The following KCNT1 variants were observed in gnomAD, a reference collection of about 807,000 sequenced individuals.
KCNT1 encodes potassium sodium-activated channel subfamily T member 1.
A neutral mutation model predicts 147.8 loss-of-function variants in KCNT1; 78 were observed. The ratio of observed to expected loss-of-function variants is 0.53; its 90% confidence interval spans 0.44 to 0.64. The LOEUF (loss-of-function observed/expected upper bound fraction) is 0.64, where lower values mean the gene tolerates loss of function less well. Among genes scored for constraint, KCNT1 ranks in the 30% least tolerant of loss-of-function variants. KCNT1 has a pLI of 0.00. For missense variants in KCNT1, 1,419 were observed against 1,750.3 expected, an observed-to-expected ratio of 0.81 and a Z score of 3.38; for synonymous variants, 867 against 748.8, an observed-to-expected ratio of 1.16 and a Z score of -2.58.
At chr9:135,737,201 C>T (rs1250234476) in intron 2 of KCNT1, among the ~76,000 whole-genome samples, 1 of 152,220 alleles carries the variant, frequency 6.6e-6, no homozygotes, top group Admixed American at 6.5e-5. Flanking sequence ...CACAGCAGGT[C>T]AGGGCTGGGA....
Position 135,768,821 on chromosome 9 carries a change from C to T in KCNT1, c.1402-8C>T, listed in dbSNP as rs1303785635. 3.1e-6 allele frequency: 5 copies of T among 1,607,516 alleles called. No homozygotes were observed. Among genetic ancestry groups the T allele is most frequent in the Non-Finnish European group, 3.4e-6 (4 of 1,176,842 alleles). ...CCGTCTGCACTGACCAACCACCCAC[C>T]CCGCCAGGACCACCAGACCATCCTG... On this transcript the variant is annotated splice_polypyrimidine_tract_variant and splice_region_variant and intron_variant, in intron 14 of 30. Transcript: ENST00000371757.
rs1477529193 is a variant in KCNT1, at chr9:135,759,827, A to T, written c.1003A>T (p.Ile335Phe). The change falls in exon 11 of 31, where the codon ATC becomes TTC. Residue 335 changes from isoleucine (I) to phenylalanine (F), a missense_variant. Ile to Phe is a conservative substitution (Grantham distance 21, BLOSUM62 0). Transcript: ENST00000371757. ...ATCGCAGCTGCTGGTGGTCATCATG[A>T]TCTGCGTGGCCCTCGTGGTGCTCCC... ...WPSQLLVVIM[I>F]CVALVVLPLQ... The T allele has an allele frequency of 6.2e-7, 1 of 1,611,950 alleles. No individual in the cohort carries two copies. Among genetic ancestry groups the T allele is most frequent in the Admixed American group, 1.7e-5 (1 of 59,918 alleles).
intron 4 of KCNT1, 96 bp downstream of exon 4, chr9:135,751,137 C>G: frequency 8.4e-7 from 1 of 1,186,024 alleles, no homozygotes; most frequent in Non-Finnish European, 1.2e-6. Context: ...CCTGGGGGAG[C>G]CCCTGTGCCT....
intron 2 of KCNT1, among the ~76,000 whole-genome samples, chr9:135,748,202 G>C (rs930153872): frequency 2.1e-4 from 32 of 152,136 alleles, no homozygotes; most frequent in Non-Finnish European, 3.7e-4. Context: ...CCAAGTTCCT[G>C]GGATTATGGG....
In KCNT1 at chr9:135,714,949, G is replaced by T. The variant is rs1359758886; in HGVS notation, c.254+229G>T. 1.3e-5 allele frequency among the ~76,000 whole-genome samples: 2 copies of T among 152,202 alleles called. No individual in the cohort carries two copies. The highest frequency in any genetic ancestry group is 2.9e-5 in the Non-Finnish European group (2 of 68,030). ...GAGGGCGCGGGATGCTCGGAGCTGCGGAGTCTTCCAGAGCCCGACTTGGGG... is the reference window on the plus strand; with the variant it reads ...GAGGGCGCGGGATGCTCGGAGCTGCTGAGTCTTCCAGAGCCCGACTTGGGG... On this transcript the variant is annotated intron_variant, in intron 2 of 30. Coordinates refer to ENST00000371757, the MANE Select transcript of KCNT1 (RefSeq NM_020822.3). The surrounding 1 kb of genome is among the most constrained non-coding windows in gnomAD (Gnocchi z 6.2).
At chr9:135,785,652 C>CAGAA in intron 28 of KCNT1, 1 of 560,592 alleles carries the variant, frequency 1.8e-6, no homozygotes, top group Non-Finnish European at 3.2e-6. Flanking sequence ...GACCAGCCCC[C>CAGAA]AGCCTCCCAG....
At chr9:135,726,904 A>T (rs1184937684) in intron 2 of KCNT1, among the ~76,000 whole-genome samples, 149 of 5,238 alleles carry the variant, frequency 0.028, no homozygotes, top group African/African-American at 0.049. Flanking sequence ...CCTCTTTCCC[A>T]TTCTCTCTCT....
chr9:135,718,030 C>G (rs1835785912), intron 2 of KCNT1, among the ~76,000 whole-genome samples: 1 of 152,232 alleles, frequency 6.6e-6, no homozygotes, highest in African/African-American at 2.4e-5. Context: ...GTGGGGACCC[C>G]AGCCCTGGCT....
chr9:135,786,047 G>A (rs1834018060), intron 28 of KCNT1, 150 bp from the exon 29 acceptor site: 2 of 661,462 alleles, frequency 3.0e-6, no homozygotes, highest in East Asian at 2.8e-5. Context: ...CCTGGGGTCT[G>A]TCGTCGTCCT....
chr9:135,793,161 C>A lies in KCNT1; in HGVS notation c.*1000C>A, dbSNP rs1486949765. The A allele has an allele frequency of 6.6e-6, 1 of 152,180 alleles. No individual in the cohort carries two copies. The highest frequency in any genetic ancestry group is 1.5e-5 in the Non-Finnish European group (1 of 68,068). The allele number at this position is 152,180 out of a possible 1,614,324, so 9.4% of individuals were successfully genotyped here. ...GGCATGAAGTTACAAGTCAAGTCGC[C>A]CTGCTCGTGTTTCCAAGGCTCTCAC... On this transcript the variant is annotated 3_prime_UTR_variant, in exon 31 of 31. Transcript: ENST00000371757.
At position 135,794,962 on chromosome 9, in the gene KCNT1, G is replaced by A. The variant is rs1193076454; in HGVS notation, c.*2801G>A. 2 of 152,176 alleles carry A rather than the reference G, an allele frequency of 1.3e-5. No individual in the cohort carries two copies. Among genetic ancestry groups the A allele is most frequent in the Non-Finnish European group, 2.9e-5 (2 of 68,064 alleles). The allele number at this position is 152,176 out of a possible 1,614,324, so 9.4% of individuals were successfully genotyped here. The stretch of plus-strand genomic sequence containing the variant: ...GTACACCAAGTGAAGTAGGATCTGA[G>A]CAAAGGTTGAGGGACTGAATTCCCT... On this transcript the variant is annotated 3_prime_UTR_variant, in exon 31 of 31. Transcript: ENST00000371757.
At chr9:135,762,468 C>A (rs58322339) in intron 11 of KCNT1, among the ~76,000 whole-genome samples, 34,113 of 151,968 alleles carry the variant, frequency 0.22, 4,177 homozygotes, top group East Asian at 0.31. Context: ...GAAAAAAGGG[C>A]CAGGCACAAT....
intron 2 of KCNT1, among the ~76,000 whole-genome samples, chr9:135,743,184 G>C (rs35017994): frequency 2.0e-5 from 3 of 151,984 alleles, no homozygotes; most frequent in Non-Finnish European, 4.4e-5. Context: ...GCCTGTGCCG[G>C]TCGAGCTCCC....
chr9:135,778,628 G>A, intron 22 of KCNT1, 60 bp from the exon 23 acceptor site: 2 of 1,608,154 alleles, frequency 1.2e-6, no homozygotes, highest in Non-Finnish European at 1.7e-6. Flanking sequence ...CAAATCCCGG[G>A]GTCCTGTGGG....
At chr9:135,723,598 C>A (rs1016250763) in intron 2 of KCNT1, among the ~76,000 whole-genome samples, 2 of 152,200 alleles carry the variant, frequency 1.3e-5, no homozygotes, top group African/African-American at 4.8e-5. Flanking sequence ...CTACACGGGG[C>A]CTGCTGCCTC....
intron 2 of KCNT1, among the ~76,000 whole-genome samples, chr9:135,726,180 G>T (rs1836130776): frequency 6.6e-6 from 1 of 152,096 alleles, no homozygotes; most frequent in Non-Finnish European, 1.5e-5. Flanking sequence ...CGCTGTCTGG[G>T]CTGGGGGCTG....
At chr9:135,704,362 C>A (rs893291864) in intron 1 of KCNT1, among the ~76,000 whole-genome samples, 1 of 152,232 alleles carries the variant, frequency 6.6e-6, no homozygotes, top group African/African-American at 2.4e-5. Flanking sequence ...CCCAGCTCCA[C>A]GCTAGTGGTG....
Position 135,771,025 on chromosome 9 carries a change from G to A in KCNT1, c.1938G>A (p.Arg646=). The change falls in exon 18 of 31, where the codon AGG becomes AGA. Residue 646 remains arginine (R), a synonymous_variant. Coordinates refer to ENST00000371757, the MANE Select transcript of KCNT1 (RefSeq NM_020822.3). ...IFKQEEKRKK[R]AFSGQGLHEG... is the part of the protein sequence containing the mutation. Reference sequence around the variant, plus strand: ...AGCAGGAGGAGAAGCGGAAGAAGAGGGCCTTCTCGGGGCAGGGGCTGCACG... The same window carrying A: ...AGCAGGAGGAGAAGCGGAAGAAGAGAGCCTTCTCGGGGCAGGGGCTGCACG... The A allele has an allele frequency of 6.2e-7, 1 of 1,613,448 alleles. No homozygotes were observed. Among genetic ancestry groups the A allele is most frequent in the South Asian group, 1.1e-5 (1 of 90,918 alleles).
At chr9:135,784,492 T>TCCCC in intron 25 of KCNT1, 43 bp from the exon 26 acceptor site, 2 of 138,338 alleles carry the variant, frequency 1.4e-5, no homozygotes, top group Non-Finnish European at 2.5e-5. Context: ...GCTCCCTCCC[T>TCCCC]CCCTCCCTCC....
Sources: gnomAD v4.1 joint callset for allele counts (sites outside exome capture counted in the v4.1 genomes callset) on GRCh38, gnomAD v4.1.1 for gene constraint, Gnocchi (gnomAD v3.1) non-coding constraint, MANE v1.5 for transcripts, NCBI Gene and HGNC (gene_info 2026-07-23, HGNC 2026-07-21) for gene names.